The following ENTPD1 variants were observed in gnomAD, a reference collection of about 807,000 sequenced individuals.
ENTPD1 encodes ATP diphosphohydrolase.
A neutral mutation model predicts 57.0 loss-of-function variants in ENTPD1; 33 were observed. That is an observed-to-expected ratio of 0.58 (90% CI 0.44 to 0.77). The LOEUF is 0.77. Ranked by LOEUF, ENTPD1 falls within the 30% of genes least tolerant of loss-of-function variation. The pLI, the probability that ENTPD1 is intolerant of heterozygous loss-of-function variation, is 0.00. For synonymous variants in ENTPD1, 202 were observed against 218.8 expected (o/e 0.92, Z 0.68); for missense variants, 501 against 603.4 (o/e 0.83, Z 1.78).
Position 95,789,289 on chromosome 10 carries a change from T to C in ENTPD1, c.16+33034T>C, listed in dbSNP as rs182195640. 2.1e-3 allele frequency among the ~76,000 whole-genome samples: 326 copies of C among 152,244 alleles called. 1 individual carries two copies. The highest frequency in any genetic ancestry group is 7.4e-3 in the African/African-American group (307 of 41,562). ...AATTGGTAATCTAAATAGTAAAAGA[T>C]GAAAGAGAATGGATCCAGGAAACTC... is the stretch of plus-strand genomic sequence containing the variant. On this transcript the variant is annotated intron_variant, in intron 1 of 9. Coordinates refer to ENST00000371205, the MANE Select transcript of ENTPD1 (RefSeq NM_001776.6).
chr10:95,735,970 G>A (rs530813739), intron 1 of ENTPD1, among the ~76,000 whole-genome samples: 14 of 149,534 alleles, frequency 9.4e-5, no homozygotes, highest in South Asian at 4.3e-4. Flanking sequence ...GAGTTGTTAC[G>A]TACTTTGGTC....
intron 8 of ENTPD1, 112 bp downstream of exon 8, chr10:95,860,694 A>G (rs1464479607): frequency 2.3e-6 from 2 of 886,626 alleles, no homozygotes; most frequent in Non-Finnish European, 3.7e-6. Context: ...GATCCAGCAA[A>G]TGTGTTAGAG....
upstream of ENTPD1, chr10:95,754,157 A>C (rs2098016756): frequency 6.6e-6 from 1 of 151,722 alleles, no homozygotes; most frequent in African/African-American, 2.4e-5. Context: ...AAAAATACAC[A>C]AATTAGCTGG....
Position 95,851,435 on chromosome 10 carries a change from T to C in ENTPD1, c.1074+3729T>C, listed in dbSNP as rs947321855. ...CATTAATCTAGGTTGGATGATCTTT[T>C]TTTTTTAATTATACTTTAAGTTCTA... On this transcript the variant is annotated intron_variant, in intron 7 of 9. Coordinates refer to ENST00000371205, the MANE Select transcript of ENTPD1 (RefSeq NM_001776.6). Among the ~76,000 whole-genome samples, 21 of 152,146 alleles carry C rather than the reference T, an allele frequency of 1.4e-4. 1 individual carries two copies. The highest frequency in any genetic ancestry group is 5.1e-4 in the African/African-American group (21 of 41,440).
chr10:95,844,742 T>TGGAC, intron 5 of ENTPD1, 107 bp downstream of exon 5: 1 of 1,227,452 alleles, frequency 8.1e-7, no homozygotes, highest in African/African-American at 1.5e-5. Context: ...GAATGATAGA[T>TGGAC]GGATGGATGG....
intron 1 of ENTPD1, among the ~76,000 whole-genome samples, chr10:95,716,959 T>C (rs1234714943): frequency 6.6e-6 from 1 of 152,208 alleles, no homozygotes; most frequent in African/African-American, 2.4e-5. Context: ...CCCTGCTCAC[T>C]ACCTAAGGAG....
intron 1 of ENTPD1, among the ~76,000 whole-genome samples, chr10:95,771,510 A>G (rs1408167426): frequency 6.6e-6 from 1 of 152,176 alleles, no homozygotes; most frequent in Non-Finnish European, 1.5e-5. Context: ...GAGTGTGCCC[A>G]GTTCCCTTGC....
chr10:95,717,043 G>T (rs768291389), intron 1 of ENTPD1, among the ~76,000 whole-genome samples: 3 of 152,228 alleles, frequency 2.0e-5, no homozygotes, highest in Non-Finnish European at 4.4e-5. Context: ...CCACTGTGTG[G>T]GTAGGCATGG....
At chr10:95,727,080 T>TGTA (rs1167710657) in intron 1 of ENTPD1, among the ~76,000 whole-genome samples, 3 of 152,146 alleles carry the variant, frequency 2.0e-5, no homozygotes, top group African/African-American at 7.2e-5. Context: ...AATGCCAATT[T>TGTA]GTCCCGTGTA....
rs921333101 is a variant in ENTPD1, at chr10:95,871,058, G to A, written c.*4675G>A. On this transcript the variant is annotated 3_prime_UTR_variant, in exon 10 of 10. Transcript: ENST00000371205. ...AAACTAGGATGCCTCTTAAGGTCTTGGTCAGGATGGGGTCTCCTGTCACTT... is the reference window on the plus strand; with the variant it reads ...AAACTAGGATGCCTCTTAAGGTCTTAGTCAGGATGGGGTCTCCTGTCACTT... 50 of 984,852 alleles carry A rather than the reference G, an allele frequency of 5.1e-5. No homozygotes were observed. Among genetic ancestry groups the A allele is most frequent in the Non-Finnish European group, 1.2e-5 (10 of 829,918 alleles). The allele number at this position is 984,852 out of a possible 1,614,324, so 61.0% of individuals were successfully genotyped here. A position where few individuals can be genotyped will look rare whatever the true frequency, so the allele number is the denominator to read the frequency against.
At chr10:95,744,306 C>T (rs1286706005) in intron 1 of ENTPD1, among the ~76,000 whole-genome samples, 1 of 151,866 alleles carries the variant, frequency 6.6e-6, no homozygotes, top group Non-Finnish European at 1.5e-5. Flanking sequence ...TACACAGTTC[C>T]TTTTGCCTTT....
intron 8 of ENTPD1, among the ~76,000 whole-genome samples, chr10:95,860,911 T>C (rs1051401801): frequency 4.6e-5 from 7 of 152,220 alleles, no homozygotes; most frequent in Admixed American, 6.5e-5. Flanking sequence ...GGACACAAGA[T>C]GGTGGCTGTG....
At chr10:95,790,935 T>TA (rs1422761508) in intron 1 of ENTPD1, among the ~76,000 whole-genome samples, 7 of 152,310 alleles carry the variant, frequency 4.6e-5, no homozygotes, top group Admixed American at 1.3e-4. Context: ...TTATCAATGA[T>TA]ATGGCCAAAA....
At chr10:95,751,137 A>G (rs1412161433), upstream of ENTPD1, among the ~76,000 whole-genome samples, 1 of 152,210 alleles carries the variant, frequency 6.6e-6, no homozygotes, top group Non-Finnish European at 1.5e-5. Flanking sequence ...AGAGGTAGAG[A>G]GAGTCCTTAC....
At chr10:95,714,016 G>A (rs1358468858) in intron 1 of ENTPD1, among the ~76,000 whole-genome samples, 1 of 152,082 alleles carries the variant, frequency 6.6e-6, no homozygotes, top group Non-Finnish European at 1.5e-5. Flanking sequence ...TTTTTCTTAA[G>A]TTAAAGTTTG....
intron 8 of ENTPD1, among the ~76,000 whole-genome samples, chr10:95,861,890 G>C (rs1238548433): frequency 6.6e-6 from 1 of 152,096 alleles, no homozygotes; most frequent in Non-Finnish European, 1.5e-5. Context: ...CAGCTACTTG[G>C]GAGGCTGAAG....
At chr10:95,796,372 G>C (rs2098226082) in intron 1 of ENTPD1, among the ~76,000 whole-genome samples, 2 of 152,246 alleles carry the variant, frequency 1.3e-5, no homozygotes, top group South Asian at 4.1e-4. Context: ...AGACTTCCTG[G>C]AAGTGATAAC....
intron 1 of ENTPD1, among the ~76,000 whole-genome samples, chr10:95,723,803 G>T (rs1218080767): frequency 6.6e-6 from 1 of 152,110 alleles, no homozygotes. Context: ...CAGGAAAATT[G>T]AAAGCGGAAG....
chr10:95,695,819 T>G, the ENTPD1 span, among the ~76,000 whole-genome samples: 1 of 152,226 alleles, frequency 6.6e-6, no homozygotes, highest in Admixed American at 6.5e-5. Context: ...GTGCATTAAA[T>G]ATTTTAAAAA....
Sources: gnomAD v4.1 joint callset for allele counts (sites outside exome capture counted in the v4.1 genomes callset) on GRCh38, gnomAD v4.1.1 for gene constraint, MANE v1.5 for transcripts, NCBI Gene and HGNC (gene_info 2026-07-23, HGNC 2026-07-21) for gene names.